Variants in TCF3 observed in about 807,000 individuals in gnomAD.
TCF3 encodes transcription factor 3.
TCF3 carries 54 observed loss-of-function variants against 72.3 expected under a neutral mutation model. The ratio of observed to expected loss-of-function variants is 0.75; its 90% CI spans 0.60 to 0.94. The LOEUF is 0.94. TCF3 is among the 40% of genes least tolerant of loss of function. The pLI is 0.00. For missense variants in TCF3, 1,078 were observed against 934.4 expected (o/e 1.15, Z -2.00); for synonymous variants, 525 against 412.6 (o/e 1.27, Z -3.30).
chr19:1,621,175 T>C lies in TCF3; in HGVS notation c.972A>G (p.Thr324=). 1.3e-6 allele frequency: 2 copies of C among 1,537,786 alleles called. No individual in the cohort carries two copies. The highest frequency in any genetic ancestry group is 2.4e-5 in the South Asian group (2 of 84,000). Residue 324 remains threonine, a synonymous_variant, in exon 12 of 19, where the codon ACA becomes ACG. Transcript: ENST00000262965. ...CGAGGGCATCCCCGGAGCTGCCAGC[T>C]GTGGTCCCTCGGGAGCCTGTGGGTG... is the stretch of plus-strand genomic sequence containing the variant. The part of the protein sequence containing the change: ...ADSLLGSRGT[T]AGSSGDALGK...
At chr19:1,639,047 G>A (rs1008773916) in intron 3 of TCF3, among the ~76,000 whole-genome samples, 1 of 152,124 alleles carries the variant, frequency 6.6e-6, no homozygotes, top group African/African-American at 2.4e-5. Flanking sequence ...CAATTCAAGG[G>A]AGGTTTCTTT....
chr19:1,616,538 T>G (rs2061565606), intron 16 of TCF3: 1 of 152,058 alleles, frequency 6.6e-6, no homozygotes, highest in South Asian at 2.1e-4. Flanking sequence ...CTTGTGCAGA[T>G]GCTATGCTAA....
intron 5 of TCF3, among the ~76,000 whole-genome samples, chr19:1,629,768 T>C (rs901942556): frequency 6.6e-6 from 1 of 152,208 alleles, no homozygotes; most frequent in Admixed American, 6.5e-5. Context: ...GTAATGTACA[T>C]TATTCTCAAA....
intron 18 of TCF3, among the ~76,000 whole-genome samples, chr19:1,613,054 G>T (rs1177773802): frequency 6.6e-6 from 1 of 151,166 alleles, no homozygotes; most frequent in Non-Finnish European, 1.5e-5. Context: ...CACGGCTGGT[G>T]TCGGGCACAG....
chr19:1,634,237 A>G (rs1384962787), intron 3 of TCF3, among the ~76,000 whole-genome samples: 1 of 152,268 alleles, frequency 6.6e-6, no homozygotes, highest in African/African-American at 2.4e-5. Context: ...TTAATGATGC[A>G]TTTTAATAAC....
At chr19:1,629,099 AGCTCACG>A (rs2063361911) in intron 5 of TCF3, among the ~76,000 whole-genome samples, 1 of 95,748 alleles carries the variant, frequency 1.0e-5, no homozygotes, top group African/African-American at 4.8e-5. Context: ...GGGACAGCAG[AGCTCACG>A]GGGTGAGGCG....
chr19:1,620,312 C>G (rs527813203), intron 13 of TCF3, among the ~76,000 whole-genome samples: 1 of 152,220 alleles, frequency 6.6e-6, no homozygotes, highest in South Asian at 2.1e-4. Context: ...ACACCCAGAC[C>G]TTCTGGAAAC....
intron 13 of TCF3, among the ~76,000 whole-genome samples, chr19:1,620,405 G>A (rs2062045519): frequency 6.6e-6 from 1 of 152,170 alleles, no homozygotes; most frequent in South Asian, 2.1e-4. Context: ...GGATAGGAGG[G>A]TCTGCCCTCC....
rs1180207765 is a variant in TCF3, at chr19:1,620,996, G to A, written c.1065C>T (p.Thr355=). ...SSNNFSSSPS[T]PVGSPQGLAG... is the part of the protein sequence containing the mutation. The stretch of plus-strand genomic sequence containing the variant: ...CCAGGCCCTGGGGGGAGCCCACGGG[G>A]GTAGAAGGGCTGGACGAGAAGTTAT... Residue 355 remains threonine, a synonymous_variant, in exon 13 of 19, where the codon ACC becomes ACT. Transcript: ENST00000262965. 6 of 1,520,378 alleles carry A rather than the reference G, an allele frequency of 3.9e-6. No homozygotes were observed. In the African/African-American group the frequency reaches 5.6e-5, roughly 14 times the overall value. The allele number at this position is 1,520,378 out of a possible 1,614,324, so 94.2% of individuals were successfully genotyped here. A position where few individuals can be genotyped will look rare whatever the true frequency, so the allele number is the denominator to read the frequency against.
At chr19:1,619,628 A>G in intron 14 of TCF3, 152 bp downstream of exon 14, 1 of 1,285,916 alleles carries the variant, frequency 7.8e-7, no homozygotes. Flanking sequence ...GGGAGCACAC[A>G]CAAAATGTGT....
In TCF3 at chr19:1,614,864, G is replaced by A. The variant is rs1216994117; in HGVS notation, c.1822+421C>T. On this transcript the variant is annotated intron_variant, in intron 18 of 18. Coordinates refer to ENST00000262965, the MANE Select transcript of TCF3 (RefSeq NM_003200.5). The surrounding 1 kb of genome is among the most constrained non-coding windows in gnomAD (Gnocchi z 5.6). The stretch of plus-strand genomic sequence containing the variant: ...TGGCCTTGCGTGGCATCTGCCTGAC[G>A]GGAAGGGGCCAGGGTGGTTTGCACA... Among the ~76,000 whole-genome samples, 1 of 152,148 alleles carries A rather than the reference G, an allele frequency of 6.6e-6. No individual in the cohort carries two copies. Among genetic ancestry groups the A allele is most frequent in the African/African-American group, 2.4e-5 (1 of 41,408 alleles).
At chr19:1,637,968 T>C (rs150509927) in intron 3 of TCF3, among the ~76,000 whole-genome samples, 2 of 151,426 alleles carry the variant, frequency 1.3e-5, no homozygotes, top group Non-Finnish European at 2.9e-5. Context: ...ACAAAAAGGA[T>C]GAAGTTCAAG....
Position 1,622,026 on chromosome 19 carries a change from A to AC in TCF3, c.822+27dup, listed in dbSNP as rs745366946. 6.1e-6 allele frequency: 7 copies of AC among 1,155,256 alleles called. No individual in the cohort carries two copies. The African/African-American group carries it at 9.7e-5, about 16-fold the overall frequency. 71.6% of individuals were successfully genotyped at this position (1,155,256 alleles called of 1,614,324 possible). ...AGATGGGCACTGCCACCCTCCGCCC[A>AC]CCCCCTGCCCCCTGCCCTGGGTCCT... On this transcript the variant is annotated intron_variant, in intron 10 of 18. Transcript: ENST00000262965.
intron 3 of TCF3, among the ~76,000 whole-genome samples, chr19:1,638,029 G>A (rs1430689580): frequency 6.6e-6 from 1 of 152,238 alleles, no homozygotes; most frequent in Non-Finnish European, 1.5e-5. Flanking sequence ...AAGCCTGTAA[G>A]CCCCATGGAT....
rs1162682799 is a variant in TCF3 at position 1,652,510 on chromosome 19, A to G, written c.-250T>C. On this transcript the variant is annotated 5_prime_UTR_variant, in exon 1 of 19. Transcript: ENST00000262965. ...CGGCCGGCCGGGGCGCCCCTGGGGC[A>G]GCGGCGTGCGCGGTGCCCGCGGTGC... The G allele has an allele frequency of 1.5e-5, 2 of 137,484 alleles. No homozygotes were observed. The highest frequency in any genetic ancestry group is 5.2e-5 in the African/African-American group (2 of 38,192). 8.5% of individuals were successfully genotyped at this position (137,484 alleles called of 1,614,324 possible). A position where few individuals can be genotyped will look rare whatever the true frequency, so the allele number is the denominator to read the frequency against.
rs1183159300 is a variant in TCF3, at chr19:1,611,841, G to A, written c.1831C>T (p.Leu611=). 9 of 1,611,810 alleles carry A rather than the reference G, an allele frequency of 5.6e-6. No individual in the cohort carries two copies. The highest frequency in any genetic ancestry group is 7.6e-6 in the Non-Finnish European group (9 of 1,179,328). The change falls in exon 19 of 19, where the codon CTG becomes TTG. Residue 611 remains leucine, a synonymous_variant. Transcript: ENST00000262965. ...NLEQQVRERN[L]NPKAACLKRR... is the part of the protein sequence containing the mutation. Reference sequence around the variant, plus strand: ...TTCAAACAGGCTGCTTTGGGATTCAGGTTCCGCTCTGGAGGGAGGGGGGAG... The same window carrying A: ...TTCAAACAGGCTGCTTTGGGATTCAAGTTCCGCTCTGGAGGGAGGGGGGAG...
chr19:1,622,268 A>C (rs1011271405), intron 9 of TCF3, 45 bp from the exon 10 acceptor site: 17 of 1,508,204 alleles, frequency 1.1e-5, no homozygotes, highest in Non-Finnish European at 1.4e-5. Context: ...GGGGAACCCC[A>C]GCCCTGCCCT....
intron 3 of TCF3, among the ~76,000 whole-genome samples, chr19:1,645,318 G>A (rs1279387524): frequency 2.6e-5 from 4 of 152,086 alleles, no homozygotes; most frequent in Non-Finnish European, 5.9e-5. Context: ...AGAGACCCGT[G>A]GCTCTGAAGC....
rs147824695 is a variant in TCF3 at position 1,619,391 on chromosome 19, C to A, written c.1251G>T (p.Thr417=). 1 of 1,593,338 alleles carries A rather than the reference C, an allele frequency of 6.3e-7. No individual in the cohort carries two copies. The highest frequency in any genetic ancestry group is 1.1e-5 in the South Asian group (1 of 90,666). ...HAVGTAGDMH[T]LLPGHGALAS... Reference sequence around the variant, plus strand: ...CCAGCGCCCCGTGGCCAGGCAGCAGCGTGTGCATGTCGCCGGCTGTGCCCA... The same window carrying A: ...CCAGCGCCCCGTGGCCAGGCAGCAGAGTGTGCATGTCGCCGGCTGTGCCCA... Residue 417 remains threonine, a synonymous_variant, in exon 15 of 19, where the codon ACG becomes ACT. Coordinates refer to ENST00000262965, the MANE Select transcript of TCF3 (RefSeq NM_003200.5).
Sources: allele counts gnomAD v4.1 joint callset (sites outside exome capture counted in the v4.1 genomes callset), GRCh38; gene constraint gnomAD v4.1.1; non-coding constraint Gnocchi (gnomAD v3.1); transcripts MANE v1.5; gene names NCBI Gene and HGNC (gene_info 2026-07-23, HGNC 2026-07-21).